Variants in MAML3 observed in about 807,000 individuals in gnomAD.
MAML3 encodes mastermind-like protein 3.
A neutral mutation model predicts 101.9 loss-of-function variants in MAML3; 27 were observed. The observed-to-expected ratio is 0.27, with a 90% confidence interval of 0.20 to 0.37. The LOEUF (loss-of-function observed/expected upper bound fraction) is 0.37, where lower values mean the gene tolerates loss of function less well. Among genes scored for constraint, MAML3 ranks in the 10% least tolerant of loss-of-function variants. The pLI is 1.00. For missense variants in MAML3, 1,316 were observed against 1,444.9 expected (o/e 0.91, Z 1.45); for synonymous variants, 501 against 555.9 (o/e 0.90, Z 1.39).
Position 140,153,165 on chromosome 4 carries a change from C to T in MAML3, c.163G>A (p.Gly55Ser), listed in dbSNP as rs1334859943. Residue 55 changes from glycine to serine, a missense_variant, in exon 1 of 5, where the codon GGC (glycine) becomes AGC (serine). Transcript: ENST00000509479. ...SSNHPAAGGC[G>S]GSGGPGGGSA... Reference sequence around the variant, plus strand: ...CCGCCGCCGGGGCCCCCGGAGCCGCCGCATCCACCGGCTGCCGGGTGATTG... The same window carrying T: ...CCGCCGCCGGGGCCCCCGGAGCCGCTGCATCCACCGGCTGCCGGGTGATTG... 3 of 1,551,294 alleles carry T rather than the reference C, an allele frequency of 1.9e-6. No homozygotes were observed. The South Asian group carries it at 3.6e-5, about 18-fold the overall frequency.
chr4:139,720,435 C>T, intron 4 of MAML3, 112 bp from the exon 5 acceptor site: 4 of 880,418 alleles, frequency 4.5e-6, no homozygotes, highest in Non-Finnish European at 6.5e-6. Flanking sequence ...ATGAAAGGAT[C>T]TACTCTGATA....
chr4:140,065,706 T>C (rs974937520), intron 1 of MAML3, among the ~76,000 whole-genome samples: 3 of 152,174 alleles, frequency 2.0e-5, no homozygotes, highest in Non-Finnish European at 4.4e-5. Flanking sequence ...AGTTACAAGT[T>C]GTATTCCCTC....
intron 4 of MAML3, among the ~76,000 whole-genome samples, chr4:139,723,500 CG>C (rs1728343056): frequency 6.6e-6 from 1 of 152,022 alleles, no homozygotes; most frequent in Admixed American, 6.6e-5. Context: ...TTAGTAGAGA[CG>C]GGGTTTCTCC....
At chr4:139,906,703 A>G (rs1209092869) in intron 1 of MAML3, among the ~76,000 whole-genome samples, 4 of 152,212 alleles carry the variant, frequency 2.6e-5, no homozygotes, top group Non-Finnish European at 4.4e-5. Context: ...ATGTATTTCA[A>G]TGGTTTTATC....
intron 1 of MAML3, among the ~76,000 whole-genome samples, chr4:139,924,103 G>A (rs1464661863): frequency 2.6e-5 from 4 of 152,072 alleles, no homozygotes; most frequent in South Asian, 2.1e-4. Flanking sequence ...TGATACCAAC[G>A]CCAAACTTCT....
At chr4:139,858,530 G>T (rs868091638) in intron 2 of MAML3, among the ~76,000 whole-genome samples, 1 of 146,242 alleles carries the variant, frequency 6.8e-6, no homozygotes, top group Non-Finnish European at 1.5e-5. Flanking sequence ...CTTAAAAAAT[G>T]AATTCATTGT....
chr4:139,992,093 T>G (rs527468173), intron 1 of MAML3, among the ~76,000 whole-genome samples: 9 of 152,286 alleles, frequency 5.9e-5, no homozygotes, highest in South Asian at 4.1e-4. Context: ...TTTCACACAA[T>G]TGGAATCATA....
intron 1 of MAML3, among the ~76,000 whole-genome samples, chr4:139,976,877 C>T (rs889221004): frequency 4.6e-5 from 7 of 151,942 alleles, no homozygotes; most frequent in Non-Finnish European, 7.4e-5. Flanking sequence ...ATAGTTTTCA[C>T]GACTGTGGGG....
intron 1 of MAML3, among the ~76,000 whole-genome samples, chr4:139,935,210 C>T (rs1733481109): frequency 6.7e-6 from 1 of 149,252 alleles, no homozygotes; most frequent in African/African-American, 2.5e-5. Context: ...CATCAAGACA[C>T]CTCTTTTTTT....
At chr4:139,868,401 G>A (rs77199592) in intron 2 of MAML3, among the ~76,000 whole-genome samples, 7,388 of 152,154 alleles carry the variant, frequency 0.049, 598 homozygotes, top group African/African-American at 0.17. Context: ...TTGATACTAC[G>A]AAAATAAATT....
chr4:140,075,594 T>C (rs562097806), intron 1 of MAML3, among the ~76,000 whole-genome samples: 1 of 152,220 alleles, frequency 6.6e-6, no homozygotes, highest in Non-Finnish European at 1.5e-5. Context: ...TGGAGTGCAA[T>C]GGTGCTATCA....
chr4:140,045,324 G>A (rs1727164216), intron 1 of MAML3, among the ~76,000 whole-genome samples: 1 of 150,788 alleles, frequency 6.6e-6, no homozygotes, highest in Non-Finnish European at 1.5e-5. Context: ...GAATCCATGA[G>A]GTGGAGGCTG....
chr4:140,153,196 C>T lies in MAML3; in HGVS notation c.132G>A (p.Pro44=), dbSNP rs1418486296. ...CACCGGCTGCCGGGTGATTGCTACT[C>T]GGAGCAGCGGGAGTACTATTGGGAG... is the stretch of plus-strand genomic sequence containing the variant. ...NNTPNSTPAA[P]SSNHPAAGGC... is the part of the protein sequence containing the mutation. The change falls in exon 1 of 5, where the codon CCG becomes CCA. Residue 44 remains proline (P), a synonymous_variant. Transcript: ENST00000509479. 1.3e-6 allele frequency: 2 copies of T among 1,555,040 alleles called. No homozygotes were observed. Among genetic ancestry groups the T allele is most frequent in the Non-Finnish European group, 8.7e-7 (1 of 1,148,978 alleles).
intron 1 of MAML3, among the ~76,000 whole-genome samples, chr4:139,905,978 T>C (rs567867957): frequency 2.6e-4 from 40 of 152,338 alleles, no homozygotes; most frequent in Admixed American, 2.4e-3. Flanking sequence ...CATTCTTGCA[T>C]GGCTGGTTAA....
At chr4:140,016,139 C>T (rs1269607211) in intron 1 of MAML3, among the ~76,000 whole-genome samples, 1 of 152,022 alleles carries the variant, frequency 6.6e-6, no homozygotes, top group Admixed American at 6.6e-5. Flanking sequence ...ATTTCTATGT[C>T]CTAGCAATAA....
At chr4:139,748,545 G>A (rs960579058) in intron 2 of MAML3, among the ~76,000 whole-genome samples, 2 of 152,170 alleles carry the variant, frequency 1.3e-5, no homozygotes, top group Non-Finnish European at 2.9e-5. Context: ...GGAGGCTGCT[G>A]GGGAAAAGTC....
intron 2 of MAML3, among the ~76,000 whole-genome samples, chr4:139,862,185 G>C (rs529320930): frequency 6.6e-6 from 1 of 152,024 alleles, no homozygotes; most frequent in Non-Finnish European, 1.5e-5. Flanking sequence ...CTCCAGCCTG[G>C]GCAACAAAAG....
At chr4:139,910,374 T>G (rs1732895458) in intron 1 of MAML3, among the ~76,000 whole-genome samples, 1 of 152,228 alleles carries the variant, frequency 6.6e-6, no homozygotes, top group Non-Finnish European at 1.5e-5. Flanking sequence ...GCTGAGAGGA[T>G]GCACTGTGCG....
intron 1 of MAML3, among the ~76,000 whole-genome samples, chr4:140,071,043 C>A (rs72935755): frequency 6.6e-6 from 1 of 152,172 alleles, no homozygotes; most frequent in Non-Finnish European, 1.5e-5. Context: ...CATTTTTCTG[C>A]CCTGAACTCC....
Sources: allele counts gnomAD v4.1 joint callset (sites outside exome capture counted in the v4.1 genomes callset), GRCh38; gene constraint gnomAD v4.1.1; transcripts MANE v1.5; gene names NCBI Gene and HGNC (gene_info 2026-07-23, HGNC 2026-07-21).